CEP70: variants seen among roughly 807,000 people sequenced by gnomAD.
CEP70 encodes the protein centrosomal protein of 70 kDa.
A neutral mutation model predicts 90.9 loss-of-function variants in CEP70; 70 were observed. The ratio of observed to expected loss-of-function variants is 0.77; its 90% CI spans 0.64 to 0.94. The LOEUF (loss-of-function observed/expected upper bound fraction) is 0.94, where lower values mean the gene tolerates loss of function less well. CEP70 is among the 40% of genes least tolerant of loss of function. CEP70 has a pLI of 0.00. For missense variants in CEP70, 648 were observed against 669.0 expected (o/e 0.97, Z 0.35); for synonymous variants, 220 against 228.3 (o/e 0.96, Z 0.33).
At chr3:138,591,799 A>G in intron 2 of CEP70, 55 bp downstream of exon 2, 1 of 1,427,694 alleles carries the variant, frequency 7.0e-7, no homozygotes, top group South Asian at 1.2e-5. Flanking sequence ...AATAAATATT[A>G]GATTTTTTTC....
intron 6 of CEP70, among the ~76,000 whole-genome samples, chr3:138,543,311 G>A (rs1486346905): frequency 6.6e-6 from 1 of 152,206 alleles, no homozygotes; most frequent in Non-Finnish European, 1.5e-5. Flanking sequence ...GCGCTCGTCG[G>A]CATCCAAAGT....
At chr3:138,541,886 C>T (rs563934090) in intron 6 of CEP70, among the ~76,000 whole-genome samples, 4 of 152,234 alleles carry the variant, frequency 2.6e-5, no homozygotes, top group African/African-American at 4.8e-5. Context: ...AGCTGAGTGT[C>T]GTAGCATGCA....
chr3:138,571,541 G>C (rs979458325), intron 3 of CEP70, among the ~76,000 whole-genome samples, 185 bp from the exon 4 acceptor site: 2 of 152,060 alleles, frequency 1.3e-5, no homozygotes, highest in African/African-American at 4.8e-5. Flanking sequence ...TAATAGACTA[G>C]AAGTATGTAA....
intron 11 of CEP70, among the ~76,000 whole-genome samples, chr3:138,521,986 C>A (rs2036700294): frequency 6.6e-6 from 1 of 152,132 alleles, no homozygotes; most frequent in Admixed American, 6.5e-5. Context: ...AACCTTACCC[C>A]CAACCCCTTG....
chr3:138,560,473 GT>G lies in CEP70; in HGVS notation c.465+9844del, dbSNP rs373625946. On this transcript the variant is annotated intron_variant, in intron 6 of 17. Coordinates refer to ENST00000264982, the MANE Select transcript of CEP70 (RefSeq NM_024491.4). ...TACTGAGCTAGGTGCAGGAGTTTTT[GT>G]TTTTTTTTTTTCATACCCCAGTGGC... is the stretch of plus-strand genomic sequence containing the variant. 6.1e-3 allele frequency among the ~76,000 whole-genome samples: 887 copies of G among 144,374 alleles called. 6 individuals are homozygous for G. The highest frequency in any genetic ancestry group is 7.2e-3 in the Middle Eastern group (2 of 276). The allele number at this position is 144,374 out of a possible 152,430, so 94.7% of individuals were successfully genotyped here. A position where few individuals can be genotyped will look rare whatever the true frequency, so the allele number is the denominator to read the frequency against.
At chr3:138,557,043 C>G (rs150290727) in intron 6 of CEP70, among the ~76,000 whole-genome samples, 2 of 152,162 alleles carry the variant, frequency 1.3e-5, no homozygotes, top group East Asian at 3.9e-4. Flanking sequence ...CCTACAGTCT[C>G]GACCATAGAA....
intron 11 of CEP70, among the ~76,000 whole-genome samples, chr3:138,518,802 C>A (rs1321433542): frequency 6.6e-6 from 1 of 152,136 alleles, no homozygotes; most frequent in Non-Finnish European, 1.5e-5. Context: ...AATGCAGCTC[C>A]TCACCAGCAA....
intron 6 of CEP70, among the ~76,000 whole-genome samples, chr3:138,550,349 G>C (rs1560389653): frequency 6.6e-6 from 1 of 152,136 alleles, no homozygotes; most frequent in Admixed American, 6.6e-5. Context: ...TCAGTGAAAA[G>C]ATTGCATACA....
intron 6 of CEP70, among the ~76,000 whole-genome samples, chr3:138,544,223 C>G (rs1177572909): frequency 6.7e-6 from 1 of 150,314 alleles, no homozygotes; most frequent in Non-Finnish European, 1.5e-5. Flanking sequence ...AACAGGTACA[C>G]TAAAAAAAAA....
chr3:138,525,275 G>A (rs919238558), intron 11 of CEP70, among the ~76,000 whole-genome samples: 2 of 151,720 alleles, frequency 1.3e-5, no homozygotes, highest in South Asian at 4.2e-4. Flanking sequence ...GGGGTGGGGG[G>A]AGTGGGGAGG....
In CEP70 at chr3:138,537,338, G is replaced by A. The variant is rs2038366376; in HGVS notation, c.475C>T (p.Gln159Ter). Residue 159 changes from glutamine to a stop codon, truncating the protein, a stop_gained, in exon 7 of 18, where the codon CAG becomes TAG. Coordinates refer to ENST00000264982, the MANE Select transcript of CEP70 (RefSeq NM_024491.4). LOFTEE classifies it high-confidence loss of function. ...TCCGTTCGTTTTTTCTTATAATGCT[G>A]GCACTTCACCTATAAGATATTTTTT... ...KEQKTLQVKCQHYKKKRTEQE... is the reference protein window; with the variant it reads ...KEQKTLQVKC 6.3e-7 allele frequency: 1 copy of A among 1,588,022 alleles called. No homozygotes were observed. The highest frequency in any genetic ancestry group is 1.4e-5 in the African/African-American group (1 of 73,218).
Position 138,529,245 on chromosome 3 carries a change from CATCA to C in CEP70, c.819_822del (p.Ile273MetfsTer8). On this transcript the variant is annotated frameshift_variant, in exon 10 of 18. Transcript: ENST00000264982. LOFTEE classifies it high-confidence loss of function. Reference sequence around the variant, plus strand: ...AGGTTCAGCTTTTCACTTGAAAGTGCATCAATCTTAGATTTTGATTCCTTGAGTT... The same window carrying C: ...AGGTTCAGCTTTTCACTTGAAAGTGCATCTTAGATTTTGATTCCTTGAGTT... 6.2e-7 allele frequency: 1 copy of C among 1,609,744 alleles called. No homozygotes were observed.
chr3:138,501,374 C>T (rs2034496689), intron 13 of CEP70, among the ~76,000 whole-genome samples: 1 of 152,136 alleles, frequency 6.6e-6, no homozygotes, highest in South Asian at 2.1e-4. Flanking sequence ...TCAGCACTAT[C>T]CAATTTCAGA....
At chr3:138,517,755 G>GC (rs1270316623) in intron 11 of CEP70, among the ~76,000 whole-genome samples, 1 of 152,252 alleles carries the variant, frequency 6.6e-6, no homozygotes, top group Non-Finnish European at 1.5e-5. Context: ...CCCTGCATGA[G>GC]CAACGCAGAA....
intron 6 of CEP70, among the ~76,000 whole-genome samples, chr3:138,540,188 C>T (rs1171324578): frequency 6.6e-6 from 1 of 151,824 alleles, no homozygotes; most frequent in East Asian, 1.9e-4. Context: ...ATGCAGCCAA[C>T]AAGCATATTA....
chr3:138,505,529 T>C, intron 12 of CEP70, 64 bp from the exon 13 acceptor site: 1 of 1,088,172 alleles, frequency 9.2e-7, no homozygotes, highest in East Asian at 2.5e-5. Flanking sequence ...TTATATATTT[T>C]AAAGGAGTGC....
intron 6 of CEP70, among the ~76,000 whole-genome samples, chr3:138,568,750 G>A (rs1004385789): frequency 3.9e-5 from 6 of 152,104 alleles, no homozygotes; most frequent in Non-Finnish European, 8.8e-5. Flanking sequence ...GGAGGCTGAG[G>A]CGGGTGGATC....
rs755542773 is a variant in CEP70, at chr3:138,500,474, G to A, written c.1462C>T (p.Arg488Ter). The A allele has an allele frequency of 1.1e-5, 17 of 1,610,894 alleles. No homozygotes were observed. Among genetic ancestry groups the A allele is most frequent in the Admixed American group, 6.7e-5 (4 of 59,354 alleles). Residue 488 changes from arginine (R) to a stop codon, truncating the protein, a stop_gained, in exon 15 of 18, where the codon CGA becomes TGA. Coordinates refer to ENST00000264982, the MANE Select transcript of CEP70 (RefSeq NM_024491.4). LOFTEE classifies it high-confidence loss of function. ...DVPSLNGVYP[R>*]MNEVYTRLGE... is the part of the protein sequence containing the mutation. Reference sequence around the variant, plus strand: ...AGCCTAGTATAAACTTCATTCATTCGGGGATAGACTCCATTTAAAGAAGGC... The same window carrying A: ...AGCCTAGTATAAACTTCATTCATTCAGGGATAGACTCCATTTAAAGAAGGC...
rs1286264510 is a variant in CEP70, at chr3:138,494,398, GC to G, written c.*616del. 6.6e-6 allele frequency: 1 copy of G among 152,172 alleles called. No individual in the cohort carries two copies. The highest frequency in any genetic ancestry group is 2.4e-5 in the African/African-American group (1 of 41,444). 9.4% of individuals were successfully genotyped at this position (152,172 alleles called of 1,614,324 possible). A position where few individuals can be genotyped will look rare whatever the true frequency, so the allele number is the denominator to read the frequency against. The stretch of plus-strand genomic sequence containing the variant: ...GAGATCTCAAGTCCTTATAAAAAGT[GC>G]ATTACATCAAGATTGCAAAAGACAC... On this transcript the variant is annotated 3_prime_UTR_variant, in exon 18 of 18. Transcript: ENST00000264982.
Sources: gnomAD v4.1 joint callset for allele counts (sites outside exome capture counted in the v4.1 genomes callset) on GRCh38, gnomAD v4.1.1 for gene constraint, MANE v1.5 for transcripts, NCBI Gene and HGNC (gene_info 2026-07-23, HGNC 2026-07-21) for gene names.